Variants in DPP10 observed in about 807,000 individuals in gnomAD.
DPP10 encodes the protein inactive dipeptidyl peptidase 10.
In DPP10, 33 loss-of-function variants were observed where a neutral mutation model predicts 120.9. The ratio of observed to expected loss-of-function variants is 0.27; its 90% CI spans 0.21 to 0.37. DPP10 has a LOEUF of 0.37. Ranked by LOEUF, DPP10 falls within the 10% of genes least tolerant of loss-of-function variation. DPP10 has a pLI of 1.00. For synonymous variants in DPP10, 337 were observed against 326.1 expected (o/e 1.03, Z -0.36); for missense variants, 816 against 942.8 (o/e 0.87, Z 1.76).
chr2:115,445,763 G>A (rs950966363), intron 3 of DPP10, among the ~76,000 whole-genome samples: 6 of 152,222 alleles, frequency 3.9e-5, no homozygotes, highest in African/African-American at 1.4e-4. Flanking sequence ...CAAGCTAGCT[G>A]CAGAAATTTG....
Position 115,057,254 on chromosome 2 carries a change from C to A in DPP10, c.61-251985C>A, listed in dbSNP as rs76430654. On this transcript the variant is annotated intron_variant, in intron 1 of 25. Transcript: ENST00000410059. Reference sequence around the variant, plus strand: ...TACCTGCCTTACCCACTCTGTGTGCCAACCCACTTGTTCTGATGCCTGAGG... The same window carrying A: ...TACCTGCCTTACCCACTCTGTGTGCAAACCCACTTGTTCTGATGCCTGAGG... Among the ~76,000 whole-genome samples, 80 of 152,252 alleles carry A rather than the reference C, an allele frequency of 5.3e-4. 2 individuals are homozygous for A. In the East Asian group the frequency reaches 0.015, roughly 29 times the overall value.
intron 3 of DPP10, among the ~76,000 whole-genome samples, chr2:115,441,854 T>G: frequency 6.7e-6 from 1 of 149,848 alleles, no homozygotes; most frequent in Admixed American, 6.7e-5. Flanking sequence ...TCTCGCTGTT[T>G]CCCCAGGCTG....
intron 1 of DPP10, among the ~76,000 whole-genome samples, chr2:114,810,339 T>G (rs1322515416): frequency 1.3e-5 from 2 of 152,214 alleles, no homozygotes; most frequent in African/African-American, 4.8e-5. Context: ...TTGGTAAGTC[T>G]TGGTAGTCTG....
intron 3 of DPP10, among the ~76,000 whole-genome samples, chr2:115,349,469 A>G (rs2063884605): frequency 6.6e-6 from 1 of 152,080 alleles, no homozygotes; most frequent in African/African-American, 2.4e-5. Flanking sequence ...AAAAGAAAAG[A>G]AAAAAACTAT....
chr2:115,714,904 C>T (rs1286053217), intron 7 of DPP10, among the ~76,000 whole-genome samples: 1 of 151,942 alleles, frequency 6.6e-6, no homozygotes, highest in Non-Finnish European at 1.5e-5. Flanking sequence ...GCGACAGGCG[C>T]CCGTAGTCCC....
chr2:114,871,684 G>GA (rs1217217519), intron 1 of DPP10, among the ~76,000 whole-genome samples: 1 of 152,106 alleles, frequency 6.6e-6, no homozygotes, highest in Non-Finnish European at 1.5e-5. Flanking sequence ...TTTAGGTTTG[G>GA]AAAACTACAA....
chr2:115,565,377 A>G (rs2080936422), intron 5 of DPP10, among the ~76,000 whole-genome samples: 1 of 152,188 alleles, frequency 6.6e-6, no homozygotes, highest in Admixed American at 6.5e-5. Flanking sequence ...AGTTGCCCAC[A>G]TTATGCCCTT....
At chr2:115,470,390 T>C (rs1239168656) in intron 3 of DPP10, among the ~76,000 whole-genome samples, 1 of 152,160 alleles carries the variant, frequency 6.6e-6, no homozygotes, top group East Asian at 1.9e-4. Context: ...TTCAGTTTCA[T>C]CCTGGACCAG....
At chr2:115,151,576 T>G (rs2104901189) in intron 1 of DPP10, among the ~76,000 whole-genome samples, 1 of 152,072 alleles carries the variant, frequency 6.6e-6, no homozygotes, top group African/African-American at 2.4e-5. Context: ...CCTGGCTAAT[T>G]TTCTGTATTT....
chr2:115,751,966 T>C (rs994777529), intron 10 of DPP10, among the ~76,000 whole-genome samples: 2 of 82,208 alleles, frequency 2.4e-5, no homozygotes, highest in Non-Finnish European at 5.5e-5. Flanking sequence ...ACCCGGCTAA[T>C]TTTTTGTATT....
chr2:115,054,902 A>C (rs1342232189), intron 1 of DPP10, among the ~76,000 whole-genome samples: 1 of 152,028 alleles, frequency 6.6e-6, no homozygotes, highest in Non-Finnish European at 1.5e-5. Context: ...ACAGAGCAAG[A>C]CTCTGTCTCA....
chr2:115,434,089 T>C (rs886883959), intron 3 of DPP10, among the ~76,000 whole-genome samples: 2 of 151,982 alleles, frequency 1.3e-5, no homozygotes, highest in Non-Finnish European at 2.9e-5. Context: ...TTCTGAAAAA[T>C]ATCAATTACT....
intron 5 of DPP10, among the ~76,000 whole-genome samples, chr2:115,604,314 C>G (rs2083557197): frequency 6.6e-6 from 1 of 152,106 alleles, no homozygotes; most frequent in Non-Finnish European, 1.5e-5. Flanking sequence ...GACATTTGGT[C>G]TCTGAGTCCT....
intron 5 of DPP10, among the ~76,000 whole-genome samples, chr2:115,666,626 T>C (rs1302424146): frequency 1.3e-5 from 2 of 152,240 alleles, no homozygotes; most frequent in East Asian, 3.8e-4. Flanking sequence ...CCATGGTATG[T>C]ATGTACCACA....
intron 2 of DPP10, among the ~76,000 whole-genome samples, chr2:115,318,328 G>C (rs1462509732): frequency 6.6e-6 from 1 of 151,980 alleles, no homozygotes; most frequent in African/African-American, 2.4e-5. Context: ...TTGGATTACT[G>C]CACCTTTGTG....
At chr2:115,353,862 G>A (rs1367835403) in intron 3 of DPP10, among the ~76,000 whole-genome samples, 1 of 152,078 alleles carries the variant, frequency 6.6e-6, no homozygotes, top group East Asian at 1.9e-4. Flanking sequence ...AACGTTTCAA[G>A]TGAATTTTTT....
chr2:115,790,285 T>G (rs1683819923), intron 17 of DPP10, among the ~76,000 whole-genome samples: 1 of 151,704 alleles, frequency 6.6e-6, no homozygotes, highest in East Asian at 1.9e-4. Flanking sequence ...TTCACCTTGT[T>G]AGCCAGGATG....
intron 1 of DPP10, among the ~76,000 whole-genome samples, chr2:114,995,908 C>T (rs944533291): frequency 6.6e-6 from 1 of 152,126 alleles, no homozygotes; most frequent in African/African-American, 2.4e-5. Flanking sequence ...GCAAGATCGG[C>T]AGGTATAACC....
At chr2:115,670,354 T>G (rs1430610549) in intron 5 of DPP10, among the ~76,000 whole-genome samples, 1 of 152,096 alleles carries the variant, frequency 6.6e-6, no homozygotes, top group Non-Finnish European at 1.5e-5. Flanking sequence ...TAGTTTTCAT[T>G]TACTTGATAT....
Sources: allele counts gnomAD v4.1 joint callset (sites outside exome capture counted in the v4.1 genomes callset), GRCh38; gene constraint gnomAD v4.1.1; transcripts MANE v1.5; gene names NCBI Gene and HGNC (gene_info 2026-07-23, HGNC 2026-07-21).